Variants in HERC2 observed in about 807,000 individuals in gnomAD.
HERC2 encodes E3 ubiquitin-protein ligase HERC2.
In HERC2, 102 loss-of-function variants were observed where a neutral mutation model predicts 537.7. The observed-to-expected ratio is 0.19, with a 90% CI of 0.16 to 0.22. The LOEUF is 0.22. HERC2 is among the 10% of genes least tolerant of loss of function. The pLI, the probability that HERC2 is intolerant of heterozygous loss-of-function variation, is 1.00. For missense variants in HERC2, 4,236 were observed against 6,198.2 expected, an observed-to-expected ratio of 0.68 and a Z score of 10.63; for synonymous variants, 2,224 against 2,466.2, an observed-to-expected ratio of 0.90 and a Z score of 2.91.
At chr15:28,156,806 G>C (rs1215795502) in intron 69 of HERC2, among the ~76,000 whole-genome samples, 11 of 152,222 alleles carry the variant, frequency 7.2e-5, no homozygotes, top group Non-Finnish European at 1.6e-4. Flanking sequence ...GGAGTGGTGA[G>C]AGAGGGCATC....
intron 7 of HERC2, 123 bp downstream of exon 7, chr15:28,274,168 C>T (rs997369108): frequency 3.5e-6 from 3 of 857,758 alleles, no homozygotes; most frequent in African/African-American, 1.7e-5. Context: ...GCACTGACAG[C>T]CCGCTGAAAA....
At chr15:28,222,799 C>T (rs1460107501) in intron 35 of HERC2, among the ~76,000 whole-genome samples, 5 of 152,114 alleles carry the variant, frequency 3.3e-5, no homozygotes, top group African/African-American at 4.8e-5. Flanking sequence ...TCTGGAACTT[C>T]GTATGCGCCA....
intron 2 of HERC2, chr15:28,312,989 T>G (rs2076986731): frequency 6.5e-6 from 1 of 154,660 alleles, no homozygotes; most frequent in African/African-American, 2.4e-5. Flanking sequence ...GGCCAATGAC[T>G]TGACCAAAGG....
Position 28,270,773 on chromosome 15 carries a change from C to T in HERC2, c.1179G>A (p.Ala393=), listed in dbSNP as rs370785670. ...GGTCTAAATGGGCCATGACAACAAC[C>T]GCCGTTTGTCGCAGATCAATGGCAA... The part of the protein sequence containing the change: ...NELAIDLRQT[A]VVVMAHLDRL... Residue 393 remains alanine, a synonymous_variant, in exon 10 of 93, where the codon GCG becomes GCA. Transcript: ENST00000261609. The T allele has an allele frequency of 1.5e-4, 239 of 1,613,918 alleles. No homozygotes were observed. The highest frequency in any genetic ancestry group is 3.3e-4 in the Middle Eastern group (2 of 6,056).
intron 86 of HERC2, among the ~76,000 whole-genome samples, chr15:28,118,765 T>C (rs979359824): frequency 6.6e-6 from 1 of 152,162 alleles, no homozygotes; most frequent in African/African-American, 2.4e-5. Flanking sequence ...ACACCCTGAA[T>C]TCAAACAATG....
intron 35 of HERC2, among the ~76,000 whole-genome samples, chr15:28,222,523 T>C (rs1596270193): frequency 6.6e-6 from 1 of 152,316 alleles, no homozygotes; most frequent in South Asian, 2.1e-4. Flanking sequence ...AAGATATTCA[T>C]CATATTTTTT....
intron 56 of HERC2, among the ~76,000 whole-genome samples, chr15:28,185,799 T>C (rs1287847371): frequency 6.6e-6 from 1 of 152,232 alleles, no homozygotes; most frequent in Non-Finnish European, 1.5e-5. Context: ...CAAGGCTGTA[T>C]GCACTTCTTC....
In HERC2 at chr15:28,260,825, T is replaced by C. The variant is rs1221574101; in HGVS notation, c.2268A>G (p.Pro756=). The C allele has an allele frequency of 6.2e-7, 1 of 1,614,158 alleles. No homozygotes were observed. The highest frequency in any genetic ancestry group is 8.5e-7 in the Non-Finnish European group (1 of 1,180,058). ...CCACTATGTGTTTGGTGTCCAGTCCTGGCAATGCTGCAGGTTCTGGCTTGG... is the reference window on the plus strand; with the variant it reads ...CCACTATGTGTTTGGTGTCCAGTCCCGGCAATGCTGCAGGTTCTGGCTTGG... ...RVTKPEPAAL[P]GLDTKHIVGI... Residue 756 remains proline (P), a synonymous_variant, in exon 16 of 93, where the codon CCA becomes CCG. Coordinates refer to ENST00000261609, the MANE Select transcript of HERC2 (RefSeq NM_004667.6).
chr15:28,241,108 G>T (rs1392882315), intron 23 of HERC2, among the ~76,000 whole-genome samples: 4 of 152,136 alleles, frequency 2.6e-5, no homozygotes, highest in Non-Finnish European at 5.9e-5. Context: ...GAGTGAAACA[G>T]CAACCGAAAG....
chr15:28,212,451 A>G lies in HERC2; in HGVS notation c.6919T>C (p.Phe2307Leu). ...AGAAGCACCATGTACTGACCTGCAA[A>G]GGCCTGTTTAGTCGATTTCTTTATT... ...HKIKKSTKQA[F>L]AGQVDLDLLR... The change falls in exon 43 of 93, where the codon TTT (phenylalanine) becomes CTT (leucine). Residue 2307 changes from phenylalanine to leucine, a missense_variant. Phe to Leu is a conservative substitution (Grantham distance 22). Coordinates refer to ENST00000261609, the MANE Select transcript of HERC2 (RefSeq NM_004667.6). 1 of 1,610,928 alleles carries G rather than the reference A, an allele frequency of 6.2e-7. No homozygotes were observed.
At chr15:28,216,346 T>G (rs1207433090) in intron 38 of HERC2, among the ~76,000 whole-genome samples, 1 of 152,014 alleles carries the variant, frequency 6.6e-6, no homozygotes. Flanking sequence ...TAGAGACAGT[T>G]TCCAATCCAA....
chr15:28,281,071 T>C (rs1286031938), intron 4 of HERC2, among the ~76,000 whole-genome samples: 2 of 152,148 alleles, frequency 1.3e-5, no homozygotes, highest in African/African-American at 2.4e-5. Context: ...CCAGCATGCA[T>C]GACTCATGAA....
chr15:28,178,501 G>T (rs1168300237), intron 59 of HERC2, among the ~76,000 whole-genome samples: 1 of 152,166 alleles, frequency 6.6e-6, no homozygotes, highest in Non-Finnish European at 1.5e-5. Context: ...GCATAGGCAT[G>T]AACTGAATTA....
chr15:28,286,181 CTATTAAGAAGCTAATATTAGAAGCTAA>C (rs1376243234), intron 4 of HERC2, among the ~76,000 whole-genome samples: 121 of 151,986 alleles, frequency 8.0e-4, no homozygotes, highest in African/African-American at 2.7e-3. Flanking sequence ...TAAGAAGCTA[CTATTAAGAAGCTAATATTAGAAGCTAA>C]TATTAAGAAG....
chr15:28,138,244 G>C (rs1249665967), intron 78 of HERC2, among the ~76,000 whole-genome samples: 1 of 152,206 alleles, frequency 6.6e-6, no homozygotes, highest in African/African-American at 2.4e-5. Flanking sequence ...GCCAAGATCA[G>C]TGATGAAGGT....
chr15:28,138,211 C>T (rs1199465817), intron 78 of HERC2, among the ~76,000 whole-genome samples: 2 of 152,182 alleles, frequency 1.3e-5, no homozygotes, highest in Non-Finnish European at 2.9e-5. Flanking sequence ...GTAGAAGCTG[C>T]AGCAAGTTAC....
At chr15:28,227,787 C>T (rs1209408775) in intron 35 of HERC2, among the ~76,000 whole-genome samples, 1 of 152,144 alleles carries the variant, frequency 6.6e-6, no homozygotes, top group Admixed American at 6.5e-5. Flanking sequence ...GTTATATATT[C>T]ATACAATGAA....
At chr15:28,315,312 G>A (rs1428864080) in intron 2 of HERC2, among the ~76,000 whole-genome samples, 2 of 152,224 alleles carry the variant, frequency 1.3e-5, no homozygotes, top group Non-Finnish European at 2.9e-5. Flanking sequence ...TGGCTCCTTG[G>A]TAGGCAGTCA....
intron 70 of HERC2, among the ~76,000 whole-genome samples, chr15:28,147,474 T>C (rs1378070375): frequency 2.7e-5 from 4 of 150,582 alleles, no homozygotes; most frequent in African/African-American, 9.7e-5. Context: ...ATATTATATA[T>C]TTTAAAATAT....
Sources: allele counts gnomAD v4.1 joint callset (sites outside exome capture counted in the v4.1 genomes callset), GRCh38; gene constraint gnomAD v4.1.1; transcripts MANE v1.5; gene names NCBI Gene and HGNC (gene_info 2026-07-23, HGNC 2026-07-21).